Variants in SRGAP3 observed in about 807,000 individuals in gnomAD.
The protein encoded by SRGAP3 is SLIT-ROBO Rho GTPase activating protein 3.
Under a neutral mutation model 121.1 loss-of-function variants are expected in SRGAP3, and 39 were observed. The observed-to-expected ratio is 0.32, with a 90% CI of 0.25 to 0.42. The LOEUF (loss-of-function observed/expected upper bound fraction) is 0.42, where lower values mean the gene tolerates loss of function less well. Ranked by LOEUF, SRGAP3 falls within the 10% of genes least tolerant of loss-of-function variation. The pLI, the probability that SRGAP3 is intolerant of heterozygous loss-of-function variation, is 1.00. For synonymous variants in SRGAP3, 601 were observed against 570.0 expected, an observed-to-expected ratio of 1.05 and a Z score of -0.77; for missense variants, 1,213 against 1,470.6, an observed-to-expected ratio of 0.82 and a Z score of 2.86.
chr3:9,124,157 T>C (rs1949130370), intron 2 of SRGAP3, among the ~76,000 whole-genome samples: 1 of 152,014 alleles, frequency 6.6e-6, no homozygotes, highest in Admixed American at 6.5e-5. Context: ...GAGCTTGGGA[T>C]ATGAGAAATC....
intron 9 of SRGAP3, 35 bp from the exon 10 acceptor site, chr3:9,047,510 G>T (rs762859988): frequency 6.2e-7 from 1 of 1,600,074 alleles, no homozygotes; most frequent in Admixed American, 1.7e-5. Context: ...GTTATAGATT[G>T]CAAGGCCGAG....
chr3:9,337,754 C>T (rs1331669104), intron 1 of SRGAP3: 1 of 152,138 alleles, frequency 6.6e-6, no homozygotes, highest in Admixed American at 6.5e-5. Flanking sequence ...CCAAAATAGA[C>T]TAAGACACAA....
intron 1 of SRGAP3, chr3:9,194,454 C>T (rs922565025): frequency 2.7e-4 from 41 of 152,076 alleles, no homozygotes; most frequent in African/African-American, 8.9e-4. Flanking sequence ...TCTATTTTTA[C>T]GATTGAGTCT....
At chr3:9,343,667 ATGCTC>A (rs1490890690) in intron 1 of SRGAP3, among the ~76,000 whole-genome samples, 1 of 152,120 alleles carries the variant, frequency 6.6e-6, no homozygotes, top group Non-Finnish European at 1.5e-5. Flanking sequence ...ATACTCTTAT[ATGCTC>A]TACTTTTAAA....
At position 9,071,435 on chromosome 3, in the gene SRGAP3, G is replaced by T. The variant is rs1478986705; in HGVS notation, c.487-6854C>A. Reference sequence around the variant, plus strand: ...ATCTGGCCATAGGAAGCTCAGCTAGGCCAATTAGATGCTACCCTAGGGCTT... The same window carrying T: ...ATCTGGCCATAGGAAGCTCAGCTAGTCCAATTAGATGCTACCCTAGGGCTT... On this transcript the variant is annotated intron_variant, in intron 4 of 21. Transcript: ENST00000383836. 2.0e-5 allele frequency among the ~76,000 whole-genome samples: 3 copies of T among 152,160 alleles called. 1 individual carries two copies. The highest frequency in any genetic ancestry group is 2.0e-4 in the Admixed American group (3 of 15,286).
At chr3:9,128,291 A>T (rs971113409) in intron 1 of SRGAP3, among the ~76,000 whole-genome samples, 3 of 152,280 alleles carry the variant, frequency 2.0e-5, no homozygotes, top group African/African-American at 7.2e-5. Context: ...TGTATTACTG[A>T]TCACTGCAAT....
chr3:9,096,788 T>C (rs1947983607), intron 3 of SRGAP3, among the ~76,000 whole-genome samples: 2 of 150,756 alleles, frequency 1.3e-5, no homozygotes, highest in Non-Finnish European at 3.0e-5. Context: ...CTGTATGCCC[T>C]GAAAAAATTC....
At chr3:9,246,395 AAG>A (rs1953825607) in intron 1 of SRGAP3, among the ~76,000 whole-genome samples, 1 of 152,212 alleles carries the variant, frequency 6.6e-6, no homozygotes, top group South Asian at 2.1e-4. Context: ...GGATGAAAGT[AAG>A]AGGGTAAACA....
chr3:9,209,276 A>C (rs980164980), intron 1 of SRGAP3, among the ~76,000 whole-genome samples: 10 of 152,270 alleles, frequency 6.6e-5, no homozygotes, highest in African/African-American at 2.2e-4. Context: ...GGAATAAAAG[A>C]TAAACTGACA....
rs1369151574 is a variant in SRGAP3 at position 9,159,500 on chromosome 3, T to C, written c.68-34583A>G. On this transcript the variant is annotated intron_variant, in intron 1 of 21. Transcript: ENST00000383836. ...CGTGACAGGGCCCCCTGCCGCCACA[T>C]CAGTGAGAGAGATAAGGGCAACAAA... 2.0e-5 allele frequency among the ~76,000 whole-genome samples: 3 copies of C among 152,170 alleles called. No homozygotes were observed. In the East Asian group the frequency reaches 5.8e-4, roughly 29 times the overall value.
intron 3 of SRGAP3, 86 bp from the exon 4 acceptor site, chr3:9,080,173 A>G: frequency 7.1e-7 from 1 of 1,407,496 alleles, no homozygotes; most frequent in East Asian, 2.3e-5. Flanking sequence ...AAGGTCAGGA[A>G]TGTTTCGGGT....
At chr3:9,251,419 G>A (rs951567317), upstream of SRGAP3, among the ~76,000 whole-genome samples, 1 of 152,094 alleles carries the variant, frequency 6.6e-6, no homozygotes, top group Middle Eastern at 3.2e-3. Context: ...ACCCACAAAA[G>A]CCCCACGTTA....
intron 3 of SRGAP3, among the ~76,000 whole-genome samples, chr3:9,259,163 C>T (rs1014858129): frequency 1.3e-5 from 2 of 152,130 alleles, no homozygotes; most frequent in Non-Finnish European, 2.9e-5. Flanking sequence ...TCACACAGGC[C>T]CACCCAGACC....
At chr3:9,352,939 T>C (rs1240194563) in intron 1 of SRGAP3, among the ~76,000 whole-genome samples, 1 of 152,264 alleles carries the variant, frequency 6.6e-6, no homozygotes, top group Admixed American at 6.5e-5. Context: ...TGGTTTACCA[T>C]GAATCAAGCA....
chr3:9,175,266 C>T (rs758584421), intron 1 of SRGAP3, among the ~76,000 whole-genome samples: 1 of 152,206 alleles, frequency 6.6e-6, no homozygotes, highest in Non-Finnish European at 1.5e-5. Flanking sequence ...TAACAGGGCA[C>T]TTCACCTGTC....
chr3:9,086,836 A>T (rs1947517532), intron 3 of SRGAP3, among the ~76,000 whole-genome samples: 1 of 136,518 alleles, frequency 7.3e-6, no homozygotes, highest in Non-Finnish European at 1.6e-5. Flanking sequence ...GGTATAGTAC[A>T]TATGTATACA....
intron 1 of SRGAP3, among the ~76,000 whole-genome samples, chr3:9,200,228 GATAA>G (rs1025550644): frequency 6.6e-6 from 1 of 152,124 alleles, no homozygotes; most frequent in Non-Finnish European, 1.5e-5. Context: ...TTGTTTTTAA[GATAA>G]ATAAGCTATA....
At chr3:9,069,870 C>T (rs947841053) in intron 4 of SRGAP3, among the ~76,000 whole-genome samples, 2 of 152,130 alleles carry the variant, frequency 1.3e-5, no homozygotes, top group Non-Finnish European at 2.9e-5. Flanking sequence ...TAGCTTGAAC[C>T]CAGGAGGCAG....
intron 1 of SRGAP3, among the ~76,000 whole-genome samples, chr3:9,128,732 TATTC>T (rs1348960925): frequency 6.6e-6 from 1 of 152,248 alleles, no homozygotes; most frequent in Non-Finnish European, 1.5e-5. Flanking sequence ...GAATGTGAGA[TATTC>T]ATTGAGTGGA....
Sources: allele counts gnomAD v4.1 joint callset (sites outside exome capture counted in the v4.1 genomes callset), GRCh38; gene constraint gnomAD v4.1.1; transcripts MANE v1.5; gene names NCBI Gene and HGNC (gene_info 2026-07-23, HGNC 2026-07-21).